Variants in EEF1AKMT3 observed in about 807,000 individuals in gnomAD.
The protein encoded by EEF1AKMT3 is eEF1A-KMT3.
Under a neutral mutation model 17.8 loss-of-function variants are expected in EEF1AKMT3, and 17 were observed. The observed-to-expected ratio is 0.96, with a 90% confidence interval of 0.65 to 1.43. The LOEUF (loss-of-function observed/expected upper bound fraction) is 1.43, where lower values mean the gene tolerates loss of function less well. Among genes scored for constraint, EEF1AKMT3 ranks in the 40% most tolerant of loss-of-function variants. The probability of loss-of-function intolerance (pLI) is 0.00; values close to 1 mark genes in which losing one functional copy is unlikely to be tolerated. For synonymous variants in EEF1AKMT3, 116 were observed against 126.5 expected, an observed-to-expected ratio of 0.92 and a Z score of 0.56; for missense variants, 244 against 285.8, an observed-to-expected ratio of 0.85 and a Z score of 1.06.
chr12:57,781,074 T>C lies in EEF1AKMT3; in HGVS notation c.*428T>C, dbSNP rs1955511177. 1 of 206,810 alleles carries C rather than the reference T, an allele frequency of 4.8e-6. No homozygotes were observed. The highest frequency in any genetic ancestry group is 9.6e-6 in the Non-Finnish European group (1 of 103,636). 12.8% of individuals were successfully genotyped at this position (206,810 alleles called of 1,614,324 possible). A position where few individuals can be genotyped will look rare whatever the true frequency, so the allele number is the denominator to read the frequency against. ...ATTTTTTTTTCTTTTTTTCTTTTTT[T>C]TTGAGACAGGGTCTCACTCTGTCAT... is the stretch of plus-strand genomic sequence containing the variant. On this transcript the variant is annotated 3_prime_UTR_variant, in exon 3 of 3. Coordinates refer to ENST00000300209, the MANE Select transcript of EEF1AKMT3 (RefSeq NM_015433.3).
intron 2 of EEF1AKMT3, among the ~76,000 whole-genome samples, chr12:57,778,019 CA>C (rs35823549): frequency 0.075 from 6,405 of 85,354 alleles, 171 homozygotes; most frequent in African/African-American, 0.14. Context: ...GACTCCATCT[CA>C]AAAAAAAAAA....
chr12:57,773,608 A>G (rs755933743), intron 2 of EEF1AKMT3, among the ~76,000 whole-genome samples: 1 of 152,022 alleles, frequency 6.6e-6, no homozygotes, highest in African/African-American at 2.4e-5. Context: ...TTGTATTTTT[A>G]GTAGAAGACG....
At chr12:57,773,498 A>G (rs1467537539) in intron 2 of EEF1AKMT3, among the ~76,000 whole-genome samples, 2 of 151,616 alleles carry the variant, frequency 1.3e-5, no homozygotes, top group East Asian at 3.9e-4. Flanking sequence ...TGCTATCCCC[A>G]CTAACTGCAA....
At position 57,773,211 on chromosome 12, in the gene EEF1AKMT3, G is replaced by A. The variant is rs569480887; in HGVS notation, c.289+83G>A. The A allele has an allele frequency of 6.7e-6, 9 of 1,345,868 alleles. No homozygotes were observed. The African/African-American group carries it at 8.6e-5, about 13-fold the overall frequency. The allele number at this position is 1,345,868 out of a possible 1,614,324, so 83.4% of individuals were successfully genotyped here. On this transcript the variant is annotated intron_variant, in intron 2 of 2. Transcript: ENST00000300209. Reference sequence around the variant, plus strand: ...TCACTTCGTGGATCTTTGGGGGAGAGGGGAGAACTTTGGGCCCAGTCTAAC... The same window carrying A: ...TCACTTCGTGGATCTTTGGGGGAGAAGGGAGAACTTTGGGCCCAGTCTAAC...
At chr12:57,777,879 C>T (rs567509648) in intron 2 of EEF1AKMT3, among the ~76,000 whole-genome samples, 4 of 152,102 alleles carry the variant, frequency 2.6e-5, no homozygotes, top group African/African-American at 9.6e-5. Flanking sequence ...ATTAGCCGGG[C>T]GTGGTGGCAG....
intron 2 of EEF1AKMT3, among the ~76,000 whole-genome samples, chr12:57,775,696 T>G (rs1955476802): frequency 6.6e-6 from 1 of 152,206 alleles, no homozygotes; most frequent in East Asian, 1.9e-4. Context: ...TGGCATCTCT[T>G]GCCTGGATTT....
At chr12:57,774,566 A>G (rs939644750) in intron 2 of EEF1AKMT3, 1 of 763,298 alleles carries the variant, frequency 1.3e-6, no homozygotes, top group Admixed American at 2.0e-5. Flanking sequence ...TCCCCTATGT[A>G]CCAAGAATCA....
chr12:57,780,402 T>A lies in EEF1AKMT3; in HGVS notation c.437T>A (p.Leu146Gln). The A allele has an allele frequency of 6.2e-7, 1 of 1,614,212 alleles. No individual in the cohort carries two copies. Among genetic ancestry groups the A allele is most frequent in the Non-Finnish European group, 8.5e-7 (1 of 1,180,032 alleles). ...DHHVFPANYD[L>Q]VLGADIVYLE... Reference sequence around the variant, plus strand: ...CATGTCTTCCCTGCAAACTATGACCTGGTGCTGGGGGCTGATATCGTGTAC... The same window carrying A: ...CATGTCTTCCCTGCAAACTATGACCAGGTGCTGGGGGCTGATATCGTGTAC... The change falls in exon 3 of 3, where the codon CTG becomes CAG. Residue 146 changes from leucine (L) to glutamine (Q), a missense_variant. Coordinates refer to ENST00000300209, the MANE Select transcript of EEF1AKMT3 (RefSeq NM_015433.3).
Position 57,772,708 on chromosome 12 carries a change from C to T in EEF1AKMT3, c.-17C>T, listed in dbSNP as rs777168375. 8 of 1,607,706 alleles carry T rather than the reference C, an allele frequency of 5.0e-6. No homozygotes were observed. Among genetic ancestry groups the T allele is most frequent in the Non-Finnish European group, 6.8e-6 (8 of 1,176,654 alleles). On this transcript the variant is annotated 5_prime_UTR_variant, in exon 1 of 3. Coordinates refer to ENST00000300209, the MANE Select transcript of EEF1AKMT3 (RefSeq NM_015433.3). This position sits in a 1 kb window ranked among gnomAD's most constrained non-coding sequence, Gnocchi z 4.1. ...GAGCGCCGGCCGCGGTGCCCAGGCA[C>T]TCCCTTGGCGGGCCGGATGGCGGAC...
intron 2 of EEF1AKMT3, among the ~76,000 whole-genome samples, chr12:57,773,349 T>C (rs1422023990): frequency 6.6e-6 from 1 of 151,996 alleles, no homozygotes; most frequent in African/African-American, 2.4e-5. Context: ...GGTGGGTGAT[T>C]GGGGAGGGCA....
At chr12:57,774,581 A>G (rs1955467501) in intron 2 of EEF1AKMT3, 1 of 823,768 alleles carries the variant, frequency 1.2e-6, no homozygotes, top group South Asian at 1.4e-5. Context: ...GAATCATGCT[A>G]GGTATTGGGG....
chr12:57,780,934 A>AG lies in EEF1AKMT3; in HGVS notation c.*293dup. 2.1e-6 allele frequency: 1 copy of AG among 482,708 alleles called. No homozygotes were observed. Among genetic ancestry groups the AG allele is most frequent in the South Asian group, 2.4e-5 (1 of 41,382 alleles). The allele number at this position is 482,708 out of a possible 1,614,324, so 29.9% of individuals were successfully genotyped here. ...GGATGGTAAGGTATCCAGGATTTTT[A>AG]GGGGGTAAGGGAGATATATGGGATG... On this transcript the variant is annotated 3_prime_UTR_variant, in exon 3 of 3. Coordinates refer to ENST00000300209, the MANE Select transcript of EEF1AKMT3 (RefSeq NM_015433.3).
At chr12:57,779,756 A>G (rs1245137728) in intron 2 of EEF1AKMT3, among the ~76,000 whole-genome samples, 1 of 152,118 alleles carries the variant, frequency 6.6e-6, no homozygotes, top group Non-Finnish European at 1.5e-5. Context: ...ATGTCTTGAC[A>G]CTTTTCTCCC....
rs56919999 is a variant in EEF1AKMT3, at chr12:57,778,293, C to CTTTTTTTTTTTTT, written c.290-1959_290-1947dup. ...CCAAACACCCAGAAACCATCCTGAG[C>CTTTTTTTTTTTTT]TTTTTTTTTTTTTTTGAGACAGGTT... On this transcript the variant is annotated intron_variant, in intron 2 of 2. Coordinates refer to ENST00000300209, the MANE Select transcript of EEF1AKMT3 (RefSeq NM_015433.3). Among the ~76,000 whole-genome samples, 38 of 43,992 alleles carry CTTTTTTTTTTTTT rather than the reference C, an allele frequency of 8.6e-4. 16 individuals carry two copies. The highest frequency in any genetic ancestry group is 1.8e-3 in the East Asian group (1 of 544). 28.9% of individuals were successfully genotyped at this position (43,992 alleles called of 152,430 possible).
chr12:57,778,548 C>T (rs990659194), intron 2 of EEF1AKMT3, among the ~76,000 whole-genome samples: 7 of 152,060 alleles, frequency 4.6e-5, no homozygotes, highest in Admixed American at 2.0e-4. Context: ...AGTCATCCCG[C>T]ATTGGCCTCC....
At position 57,780,497 on chromosome 12, in the gene EEF1AKMT3, C is replaced by T; in HGVS notation, c.532C>T (p.Leu178=). Residue 178 remains leucine (L), a synonymous_variant, in exon 3 of 3, where the codon CTG becomes TTG. Coordinates refer to ENST00000300209, the MANE Select transcript of EEF1AKMT3 (RefSeq NM_015433.3). ...GTGCAGGCCCCATGGCACCATCTAT[C>T]TGGCCTCCAAGATGAGAAAGGAGCA... The part of the protein sequence containing the change: ...HLCRPHGTIY[L]ASKMRKEHGT... The T allele has an allele frequency of 6.2e-7, 1 of 1,614,222 alleles. No homozygotes were observed. Among genetic ancestry groups the T allele is most frequent in the South Asian group, 1.1e-5 (1 of 91,088 alleles).
chr12:57,772,706 C>A lies in EEF1AKMT3; in HGVS notation c.-19C>A. 2 of 1,605,582 alleles carry A rather than the reference C, an allele frequency of 1.2e-6. No individual in the cohort carries two copies. The highest frequency in any genetic ancestry group is 1.7e-6 in the Non-Finnish European group (2 of 1,175,360). On this transcript the variant is annotated 5_prime_UTR_variant, in exon 1 of 3. Transcript: ENST00000300209. This position sits in a 1 kb window ranked among gnomAD's most constrained non-coding sequence, Gnocchi z 4.1. ...CTGAGCGCCGGCCGCGGTGCCCAGG[C>A]ACTCCCTTGGCGGGCCGGATGGCGG...
chr12:57,776,940 C>T (rs1291219402), intron 2 of EEF1AKMT3, among the ~76,000 whole-genome samples: 6 of 152,160 alleles, frequency 3.9e-5, no homozygotes, highest in African/African-American at 7.2e-5. Context: ...TGTGAGCCAC[C>T]GCACCTGGGC....
chr12:57,782,511 C>T lies in EEF1AKMT3; in HGVS notation c.*1865C>T. On this transcript the variant is annotated 3_prime_UTR_variant, in exon 3 of 3. Coordinates refer to ENST00000300209, the MANE Select transcript of EEF1AKMT3 (RefSeq NM_015433.3). ...TAAATGGATAATGAATATAAATGCG[C>T]ATTGAAAATAAACATAAAATGTTAC... 2.3e-6 allele frequency: 1 copy of T among 442,048 alleles called. No individual in the cohort carries two copies. The highest frequency in any genetic ancestry group is 4.1e-6 in the Non-Finnish European group (1 of 246,158). 27.4% of individuals were successfully genotyped at this position (442,048 alleles called of 1,614,324 possible).
Sources: allele counts gnomAD v4.1 joint callset (sites outside exome capture counted in the v4.1 genomes callset), GRCh38; gene constraint gnomAD v4.1.1; non-coding constraint Gnocchi (gnomAD v3.1); transcripts MANE v1.5; gene names NCBI Gene and HGNC (gene_info 2026-07-23, HGNC 2026-07-21).